Variants in ACTR3C observed in about 807,000 individuals in gnomAD.
The protein encoded by ACTR3C is actin-related protein 3C.
ACTR3C carries 18 observed loss-of-function variants against 26.3 expected under a neutral mutation model. The observed-to-expected ratio is 0.68, with a 90% CI of 0.47 to 1.01. ACTR3C has a LOEUF of 1.01. ACTR3C is among the 50% of genes least tolerant of loss of function. The pLI is 0.00. For synonymous variants in ACTR3C, 55 were observed against 94.5 expected (o/e 0.58, Z 2.42); for missense variants, 184 against 250.7 (o/e 0.73, Z 1.80).
chr7:150,094,239 A>C, the ACTR3C span, among the ~76,000 whole-genome samples: 1 of 150,390 alleles, frequency 6.6e-6, no homozygotes, highest in Middle Eastern at 3.4e-3. Flanking sequence ...TTCAGAAAGA[A>C]TCTACAAAGA....
At chr7:149,898,934 A>G in the ACTR3C span, among the ~76,000 whole-genome samples, 69 of 151,898 alleles carry the variant, frequency 4.5e-4, no homozygotes, top group African/African-American at 1.4e-3. Context: ...TAAATAATCT[A>G]TGTCACCCAA....
the ACTR3C span, among the ~76,000 whole-genome samples, chr7:150,108,421 G>T: frequency 6.6e-6 from 1 of 151,896 alleles, no homozygotes; most frequent in African/African-American, 2.4e-5. Context: ...ACATTTAAGT[G>T]GGATTTAAAA....
chr7:150,040,750 G>A, the ACTR3C span: 17 of 146,718 alleles, frequency 1.2e-4, 1 homozygote, highest in Admixed American at 4.7e-4. Context: ...CCCGATGGGC[G>A]TCCTAAGCCA....
At chr7:149,949,533 G>C in the ACTR3C span, among the ~76,000 whole-genome samples, 2 of 147,894 alleles carry the variant, frequency 1.4e-5, no homozygotes, top group Non-Finnish European at 2.9e-5. Flanking sequence ...TTAGTCTTAT[G>C]TTCACGCATG....
the ACTR3C span, among the ~76,000 whole-genome samples, chr7:150,184,698 T>C: frequency 2.0e-5 from 3 of 150,640 alleles, no homozygotes; most frequent in African/African-American, 7.5e-5. Flanking sequence ...TTTAGAACTA[T>C]TTTGTTGAAA....
At chr7:150,068,934 G>A in the ACTR3C span, among the ~76,000 whole-genome samples, 1 of 152,166 alleles carries the variant, frequency 6.6e-6, no homozygotes, top group East Asian at 1.9e-4. Context: ...TCCAAAGGCT[G>A]TTGAGTTAAA....
At chr7:150,071,249 A>G in the ACTR3C span, among the ~76,000 whole-genome samples, 8 of 149,324 alleles carry the variant, frequency 5.4e-5, no homozygotes, top group South Asian at 6.5e-4. Context: ...TCAGCCTCCC[A>G]AGTAGCTGGG....
At chr7:150,181,637 A>G in the ACTR3C span, among the ~76,000 whole-genome samples, 3 of 150,794 alleles carry the variant, frequency 2.0e-5, no homozygotes, top group Non-Finnish European at 4.4e-5. Flanking sequence ...CCCATTTCCC[A>G]ATGAGGGAAC....
the ACTR3C span, among the ~76,000 whole-genome samples, chr7:150,091,703 C>T: frequency 7.0e-6 from 1 of 142,874 alleles, no homozygotes; most frequent in African/African-American, 2.6e-5. Flanking sequence ...ATATTCCTGG[C>T]CGGGCGCGGT....
chr7:150,155,271 C>T, the ACTR3C span, among the ~76,000 whole-genome samples: 18 of 152,244 alleles, frequency 1.2e-4, no homozygotes, highest in Middle Eastern at 6.8e-3. Flanking sequence ...CATCCTGTTA[C>T]ACTTGACTTT....
At chr7:150,124,850 GC>G in the ACTR3C span, among the ~76,000 whole-genome samples, 1 of 152,266 alleles carries the variant, frequency 6.6e-6, no homozygotes, top group Non-Finnish European at 1.5e-5. Context: ...TTGTTAAAGA[GC>G]TTTTCAATTA....
the ACTR3C span, among the ~76,000 whole-genome samples, chr7:150,228,686 C>T: frequency 6.6e-6 from 1 of 151,962 alleles, no homozygotes; most frequent in Non-Finnish European, 1.5e-5. Context: ...TTGGTTCAGG[C>T]AGACTGTATT....
chr7:150,164,833 T>C, the ACTR3C span, among the ~76,000 whole-genome samples: 2 of 152,208 alleles, frequency 1.3e-5, no homozygotes, highest in African/African-American at 4.8e-5. Context: ...CATTTCAGTA[T>C]TTCAACAAGG....
chr7:150,284,401 C>G (rs1192752766), intron 6 of ACTR3C, among the ~76,000 whole-genome samples: 1 of 152,032 alleles, frequency 6.6e-6, no homozygotes, highest in Non-Finnish European at 1.5e-5. Flanking sequence ...AAAAAATTCG[C>G]TGGGCGTGGC....
chr7:150,065,403 C>A, the ACTR3C span, among the ~76,000 whole-genome samples: 1 of 152,174 alleles, frequency 6.6e-6, no homozygotes, highest in Non-Finnish European at 1.5e-5. Context: ...ATTTTCAAGT[C>A]TTAAAGTGAA....
At chr7:150,181,722 ATAG>A in the ACTR3C span, among the ~76,000 whole-genome samples, 5 of 150,896 alleles carry the variant, frequency 3.3e-5, no homozygotes, top group African/African-American at 1.2e-4. Context: ...AAAACATAGC[ATAG>A]TAAATTTGGA....
chr7:150,042,433 T>G, the ACTR3C span, among the ~76,000 whole-genome samples: 6 of 127,458 alleles, frequency 4.7e-5, 1 homozygote, highest in African/African-American at 1.9e-4. Context: ...GGGTGCCTCC[T>G]CCCCTGTGAT....
At chr7:150,277,453 C>T (rs1287488907) in intron 6 of ACTR3C, among the ~76,000 whole-genome samples, 7 of 152,224 alleles carry the variant, frequency 4.6e-5, no homozygotes, top group Non-Finnish European at 8.8e-5. Flanking sequence ...CTTGTCCTCA[C>T]CTGTTACTCT....
At chr7:150,180,022 G>A in the ACTR3C span, among the ~76,000 whole-genome samples, 3 of 150,774 alleles carry the variant, frequency 2.0e-5, no homozygotes, top group Admixed American at 6.6e-5. Flanking sequence ...GAAATCTTCC[G>A]TGGCCGGGCG....
Sources: allele counts gnomAD v4.1 joint callset (sites outside exome capture counted in the v4.1 genomes callset), GRCh38; gene constraint gnomAD v4.1.1; transcripts MANE v1.5; gene names NCBI Gene and HGNC (gene_info 2026-07-23, HGNC 2026-07-21).